The following ZSCAN4 variants were observed in gnomAD, a reference collection of about 807,000 sequenced individuals.
The protein encoded by ZSCAN4 is zinc finger and SCAN domain containing 4.
ZSCAN4 carries 18 observed loss-of-function variants against 18.3 expected under a neutral mutation model. The observed-to-expected ratio is 0.98, with a 90% CI of 0.68 to 1.46. ZSCAN4 has a LOEUF of 1.46. Ranked by LOEUF, ZSCAN4 falls within the 40% of genes most tolerant of loss-of-function variation. ZSCAN4 has a pLI of 0.00. For missense variants in ZSCAN4, 498 were observed against 511.4 expected (o/e 0.97, Z 0.25); for synonymous variants, 193 against 180.3 (o/e 1.07, Z -0.57).
upstream of ZSCAN4, chr19:57,664,248 T>G (rs1599998338): frequency 9.8e-6 from 1 of 102,086 alleles, no homozygotes; most frequent in Admixed American, 1.2e-4. Flanking sequence ...CAGATGAAAG[T>G]GAGGGGTCGG....
At chr19:57,660,995 G>C in the ZSCAN4 span, among the ~76,000 whole-genome samples, 1 of 152,064 alleles carries the variant, frequency 6.6e-6, no homozygotes, top group East Asian at 1.9e-4. Context: ...ACAGTGTTTG[G>C]ACTTTAGAGA....
the ZSCAN4 span, among the ~76,000 whole-genome samples, chr19:57,659,489 G>A: frequency 0.01 from 1,591 of 152,182 alleles, 19 homozygotes; most frequent in Non-Finnish European, 0.012. Flanking sequence ...CAAAACTCTT[G>A]GGTTCAAAGG....
At chr19:57,677,927 T>G in exon 4 of ZSCAN4, 4 of 1,546,488 alleles carry the variant, frequency 2.6e-6, no homozygotes, top group Non-Finnish European at 3.5e-6. Context: ...CACGTCCACA[T>G]GCAGGGACAG....
exon 5 of ZSCAN4, chr19:57,678,830 C>T: frequency 6.2e-7 from 1 of 1,614,026 alleles, no homozygotes; most frequent in Non-Finnish European, 8.5e-7. Flanking sequence ...GCCAGTCATC[C>T]ACATACCACC....
At chr19:57,663,494 T>TG in the ZSCAN4 span, among the ~76,000 whole-genome samples, 150 of 119,874 alleles carry the variant, frequency 1.3e-3, 1 homozygote, top group African/African-American at 4.7e-3. Flanking sequence ...GAGGCCAGTC[T>TG]GCACAACGTG....
chr19:57,677,800 T>C, intron 3 of ZSCAN4, 114 bp from the exon 4 acceptor site: 3 of 924,410 alleles, frequency 3.2e-6, no homozygotes, highest in Non-Finnish European at 4.6e-6. Context: ...GGACAAAATA[T>C]GTGATAGCCA....
At chr19:57,677,861 T>C in intron 3 of ZSCAN4, 53 bp from the exon 4 acceptor site, 2 of 1,468,448 alleles carry the variant, frequency 1.4e-6, no homozygotes, top group South Asian at 1.6e-5. Flanking sequence ...TTCCAAAAAG[T>C]CTTCTGTTAC....
chr19:57,663,540 A>ATAAAAAAT, the ZSCAN4 span, among the ~76,000 whole-genome samples: 102 of 147,630 alleles, frequency 6.9e-4, 1 homozygote, highest in African/African-American at 2.4e-3. Context: ...AAAAAAAAAA[A>ATAAAAAAT]AAAAAAATTA....
chr19:57,678,746 C>A (rs750014648), exon 5 of ZSCAN4: 49 of 1,613,930 alleles, frequency 3.0e-5, no homozygotes, highest in Non-Finnish European at 3.9e-5. Flanking sequence ...GCCACAAAAC[C>A]AACCTGCGGT....
the ZSCAN4 span, among the ~76,000 whole-genome samples, chr19:57,662,349 A>T: frequency 3.9e-5 from 6 of 152,018 alleles, no homozygotes; most frequent in Non-Finnish European, 5.9e-5. Flanking sequence ...TTATCTGGCT[A>T]TTAACAATAG....
chr19:57,655,514 C>T, the ZSCAN4 span, among the ~76,000 whole-genome samples: 1 of 152,160 alleles, frequency 6.6e-6, no homozygotes. Context: ...GTTTAAGGAT[C>T]TTATGTGTGT....
intron 2 of ZSCAN4, among the ~76,000 whole-genome samples, chr19:57,670,967 T>C (rs978214868): frequency 6.6e-6 from 1 of 152,012 alleles, no homozygotes. Flanking sequence ...GCTCAAGTGA[T>C]CCTTCCACCT....
the ZSCAN4 span, among the ~76,000 whole-genome samples, chr19:57,657,101 CCG>C: frequency 6.6e-5 from 10 of 152,090 alleles, no homozygotes; most frequent in African/African-American, 2.4e-4. Flanking sequence ...CAAAAATTAT[CCG>C]GGAGTGTCCA....
At chr19:57,667,252 CA>C (rs1983880279), upstream of ZSCAN4, among the ~76,000 whole-genome samples, 1 of 152,140 alleles carries the variant, frequency 6.6e-6, no homozygotes, top group African/African-American at 2.4e-5. Flanking sequence ...TGTGTTTCCC[CA>C]AGGATAAATC....
chr19:57,667,887 GTTTGTTT>G (rs201110802), upstream of ZSCAN4, among the ~76,000 whole-genome samples: 84 of 114,218 alleles, frequency 7.4e-4, no homozygotes, highest in Non-Finnish European at 1.0e-3. Flanking sequence ...TTTTTTTTTT[GTTTGTTT>G]TTTGTTTGTT....
chr19:57,655,523 G>A, the ZSCAN4 span, among the ~76,000 whole-genome samples: 1 of 152,116 alleles, frequency 6.6e-6, no homozygotes, highest in Admixed American at 6.5e-5. Context: ...TCTTATGTGT[G>A]TCTATGCTGC....
chr19:57,667,745 C>G (rs1983893248), upstream of ZSCAN4, among the ~76,000 whole-genome samples: 1 of 152,176 alleles, frequency 6.6e-6, no homozygotes, highest in South Asian at 2.1e-4. Context: ...TTCCCCAAAC[C>G]TTTTCCTTAC....
intron 2 of ZSCAN4, among the ~76,000 whole-genome samples, chr19:57,674,014 A>G (rs2122301073): frequency 6.6e-6 from 1 of 152,344 alleles, no homozygotes; most frequent in African/African-American, 2.4e-5. Flanking sequence ...TCGGCCTCCC[A>G]AAGTGTTGGG....
exon 5 of ZSCAN4, chr19:57,678,906 G>A: frequency 6.3e-7 from 1 of 1,582,528 alleles, no homozygotes; most frequent in East Asian, 2.2e-5. Context: ...AGCTTCCTAA[G>A]CTGCTGGTCT....
Sources: allele counts gnomAD v4.1 joint callset (sites outside exome capture counted in the v4.1 genomes callset), GRCh38; gene constraint gnomAD v4.1.1; transcripts MANE v1.5; gene names NCBI Gene and HGNC (gene_info 2026-07-23, HGNC 2026-07-21).